RASGRF2: variants seen among roughly 807,000 people sequenced by gnomAD.
RASGRF2 encodes the protein ras-specific guanine nucleotide-releasing factor 2.
Under a neutral mutation model 151.0 loss-of-function variants are expected in RASGRF2, and 76 were observed. The observed-to-expected ratio is 0.50, with a 90% CI of 0.42 to 0.61. The LOEUF (loss-of-function observed/expected upper bound fraction) is 0.61, where lower values mean the gene tolerates loss of function less well. Among genes scored for constraint, RASGRF2 ranks in the 20% least tolerant of loss-of-function variants. RASGRF2 has a pLI of 0.00. For synonymous variants in RASGRF2, 504 were observed against 566.5 expected (o/e 0.89, Z 1.57); for missense variants, 1,148 against 1,564.6 (o/e 0.73, Z 4.49).
chr5:81,031,509 T>C (rs1344599889), intron 1 of RASGRF2, among the ~76,000 whole-genome samples: 1 of 152,088 alleles, frequency 6.6e-6, no homozygotes, highest in Non-Finnish European at 1.5e-5. Context: ...TCAAAACCGC[T>C]CAACTACATG....
In RASGRF2 at chr5:80,994,137, G is replaced by A. The variant is rs560110688; in HGVS notation, c.288+33111G>A. 5.9e-5 allele frequency among the ~76,000 whole-genome samples: 9 copies of A among 152,132 alleles called. No homozygotes were observed. In the South Asian group the frequency reaches 1.7e-3, roughly 28 times the overall value. On this transcript the variant is annotated intron_variant, in intron 1 of 26. Transcript: ENST00000265080. The stretch of plus-strand genomic sequence containing the variant: ...AAGGGGTAGTCTGGGAGGCCAGGGC[G>A]GGCGGATCACGAGGTCAGGAGATCG...
In RASGRF2 at chr5:81,225,776, T is replaced by C. The variant is rs1755967251; in HGVS notation, c.*6T>C. On this transcript the variant is annotated 3_prime_UTR_variant, in exon 27 of 27. Coordinates refer to ENST00000265080, the MANE Select transcript of RASGRF2 (RefSeq NM_006909.3). ...AACCTCGACTCCCTGCTTGAAGATCTGGCCTTGCCCCTGAGTCCACGGGAT... is the reference window on the plus strand; with the variant it reads ...AACCTCGACTCCCTGCTTGAAGATCCGGCCTTGCCCCTGAGTCCACGGGAT... The C allele has an allele frequency of 1.2e-6, 2 of 1,610,908 alleles. No homozygotes were observed. The highest frequency in any genetic ancestry group is 1.7e-6 in the Non-Finnish European group (2 of 1,179,322).
At chr5:81,210,611 T>A (rs1476070114) in intron 22 of RASGRF2, among the ~76,000 whole-genome samples, 2 of 152,210 alleles carry the variant, frequency 1.3e-5, no homozygotes, top group African/African-American at 4.8e-5. Flanking sequence ...CCATCCTGCA[T>A]GCAGTGGCAC....
Position 81,085,810 on chromosome 5 carries a change from A to G in RASGRF2, c.1170A>G (p.Arg390=), listed in dbSNP as rs1307369259. 1 of 1,613,984 alleles carries G rather than the reference A, an allele frequency of 6.2e-7. No homozygotes were observed. The highest frequency in any genetic ancestry group is 8.5e-7 in the Non-Finnish European group (1 of 1,180,008). The part of the protein sequence containing the change: ...FLTYPMFQIP[R]YIITLHELLA... The stretch of plus-strand genomic sequence containing the variant: ...CCTCTGTTTGCATCTAGATCCCCAG[A>G]TATATCATCACACTCCATGAGCTCC... Residue 390 remains arginine, a synonymous_variant, in exon 8 of 27, where the codon AGA becomes AGG. Coordinates refer to ENST00000265080, the MANE Select transcript of RASGRF2 (RefSeq NM_006909.3).
chr5:81,085,741 G>T, intron 7 of RASGRF2, 61 bp from the exon 8 acceptor site: 2 of 1,603,010 alleles, frequency 1.2e-6, no homozygotes, highest in Non-Finnish European at 1.7e-6. Flanking sequence ...TGGCCCTGCG[G>T]AGCATGTGCC....
In RASGRF2 at chr5:81,206,881, A is replaced by T. The variant is rs1755519894; in HGVS notation, c.2943A>T (p.Leu981=). Residue 981 remains leucine (L), a synonymous_variant, in exon 20 of 27, where the codon CTA becomes CTT. Coordinates refer to ENST00000265080, the MANE Select transcript of RASGRF2 (RefSeq NM_006909.3). Reference sequence around the variant, plus strand: ...AAGATGACCAAGATGACATCCACCTAAAATTAGAGGATATAATTCAAATGG... The same window carrying T: ...AAGATGACCAAGATGACATCCACCTTAAATTAGAGGATATAATTCAAATGG... ...LSQDDQDDIH[L]KLEDIIQMTD... is the part of the protein sequence containing the mutation. 1 of 1,610,124 alleles carries T rather than the reference A, an allele frequency of 6.2e-7. No homozygotes were observed. Among genetic ancestry groups the T allele is most frequent in the South Asian group, 1.1e-5 (1 of 90,998 alleles).
chr5:81,042,899 G>A lies in RASGRF2; in HGVS notation c.311G>A (p.Gly104Asp). ...CAGTATTACTTTACTGTTCTTTTTG[G>A]CCATGAAGGTCAGAAGCCACTGGAG... ...DKQYYFTVLF[G>D]HEGQKPLELR... The change falls in exon 2 of 27, where the codon GGC becomes GAC. Residue 104 changes from glycine to aspartate, a missense_variant. Coordinates refer to ENST00000265080, the MANE Select transcript of RASGRF2 (RefSeq NM_006909.3). 1 of 1,611,618 alleles carries A rather than the reference G, an allele frequency of 6.2e-7. No individual in the cohort carries two copies. The highest frequency in any genetic ancestry group is 1.3e-5 in the African/African-American group (1 of 74,898).
At chr5:81,030,965 A>C (rs1268790255) in intron 1 of RASGRF2, among the ~76,000 whole-genome samples, 2 of 152,158 alleles carry the variant, frequency 1.3e-5, no homozygotes, top group Non-Finnish European at 2.9e-5. Flanking sequence ...ATCTACCAAG[A>C]AAATGGAAAA....
At chr5:80,996,505 C>CTTCTTCCTCCTCCTCTTCTTCTTCT (rs56082157) in intron 1 of RASGRF2, among the ~76,000 whole-genome samples, 2 of 47,762 alleles carry the variant, frequency 4.2e-5, no homozygotes, top group African/African-American at 9.8e-5. Context: ...CTTCTTCTTC[C>CTTCTTCCTCCTCCTCTTCTTCTTCT]TCCTCCTCCT....
At chr5:81,061,088 T>C (rs1210211666) in intron 2 of RASGRF2, among the ~76,000 whole-genome samples, 1 of 152,200 alleles carries the variant, frequency 6.6e-6, no homozygotes, top group African/African-American at 2.4e-5. Context: ...CTTGGGTATG[T>C]GCCATTATGT....
intron 1 of RASGRF2, among the ~76,000 whole-genome samples, chr5:80,996,217 CT>C (rs1748854352): frequency 6.6e-6 from 1 of 152,042 alleles, no homozygotes; most frequent in Non-Finnish European, 1.5e-5. Flanking sequence ...AATTTTTGCA[CT>C]TTGTAGAATA....
intron 2 of RASGRF2, among the ~76,000 whole-genome samples, chr5:81,057,359 G>A (rs934332137): frequency 6.6e-6 from 1 of 152,034 alleles, no homozygotes; most frequent in African/African-American, 2.4e-5. Flanking sequence ...AAAATAAGTG[G>A]GGTGGAATTC....
At chr5:81,058,099 T>G (rs1187825515) in intron 2 of RASGRF2, among the ~76,000 whole-genome samples, 1 of 152,134 alleles carries the variant, frequency 6.6e-6, no homozygotes, top group East Asian at 1.9e-4. Context: ...TACACACTAA[T>G]ATTTTATTCC....
chr5:81,147,632 G>T (rs541549671), intron 17 of RASGRF2, among the ~76,000 whole-genome samples: 9 of 152,176 alleles, frequency 5.9e-5, no homozygotes, highest in Non-Finnish European at 5.9e-5. Flanking sequence ...AGCCATGGGG[G>T]ACCAACTGTC....
chr5:81,120,853 T>G (rs1353594373), intron 15 of RASGRF2, among the ~76,000 whole-genome samples: 2 of 152,200 alleles, frequency 1.3e-5, no homozygotes, highest in Non-Finnish European at 2.9e-5. Context: ...TTCTTGAGAC[T>G]GAGAACAATT....
chr5:81,040,523 G>C (rs1311111795), intron 1 of RASGRF2, among the ~76,000 whole-genome samples: 1 of 152,170 alleles, frequency 6.6e-6, no homozygotes, highest in Non-Finnish European at 1.5e-5. Context: ...TAGAGATGGG[G>C]GAGAGTTTTT....
At chr5:81,154,274 A>G (rs1432011278) in intron 17 of RASGRF2, among the ~76,000 whole-genome samples, 2 of 152,236 alleles carry the variant, frequency 1.3e-5, no homozygotes, top group African/African-American at 4.8e-5. Flanking sequence ...GTTTTTTTAG[A>G]CAGAGTCTGT....
At chr5:81,219,227 C>T (rs1197632102) in intron 25 of RASGRF2, among the ~76,000 whole-genome samples, 8 of 151,964 alleles carry the variant, frequency 5.3e-5, no homozygotes, top group Non-Finnish European at 5.9e-5. Context: ...TACAAGCCCA[C>T]GACACCACAC....
At position 80,960,764 on chromosome 5, in the gene RASGRF2, A is replaced by G; in HGVS notation, c.26A>G (p.Glu9Gly). 6.2e-7 allele frequency: 1 copy of G among 1,604,236 alleles called. No homozygotes were observed. Among genetic ancestry groups the G allele is most frequent in the Non-Finnish European group, 8.5e-7 (1 of 1,173,524 alleles). ...ATGCAGAAGAGCGTGCGCTACAACG[A>G]GGGGCACGCCCTGTACCTGGCCTTT... MQKSVRYNEGHALYLAFLA... is the reference protein window; with the variant it reads MQKSVRYNGGHALYLAFLA... Residue 9 changes from glutamate to glycine, a missense_variant, in exon 1 of 27, where the codon GAG becomes GGG. This residue lies in a region of RASGRF2 where 221 missense variants were observed against 271.3 expected (regional missense o/e 0.81). Transcript: ENST00000265080. The surrounding 1 kb of genome is among the most constrained non-coding windows in gnomAD (Gnocchi z 5.5).
Sources: gnomAD v4.1 joint callset for allele counts (sites outside exome capture counted in the v4.1 genomes callset) on GRCh38, gnomAD v4.1.1 for gene constraint, gnomAD v4.1.1 regional missense constraint, Gnocchi (gnomAD v3.1) non-coding constraint, MANE v1.5 for transcripts, NCBI Gene and HGNC (gene_info 2026-07-23, HGNC 2026-07-21) for gene names.